Variants in ANKRD11 observed in about 807,000 individuals in gnomAD.
The protein encoded by ANKRD11 is ankyrin repeat domain 11.
In ANKRD11, 17 loss-of-function variants were observed where a neutral mutation model predicts 195.7. That is an observed-to-expected ratio of 0.09 (90% CI 0.06 to 0.13). The LOEUF (loss-of-function observed/expected upper bound fraction) is 0.13, where lower values mean the gene tolerates loss of function less well. ANKRD11 is among the 10% of genes least tolerant of loss of function. ANKRD11 has a pLI of 1.00. For synonymous variants in ANKRD11, 1,953 were observed against 1,528.1 expected (o/e 1.28, Z -6.49); for missense variants, 3,735 against 3,566.1 (o/e 1.05, Z -1.21).
At chr16:89,338,616 T>C (rs1172514242) in intron 2 of ANKRD11, among the ~76,000 whole-genome samples, 2 of 148,140 alleles carry the variant, frequency 1.4e-5, no homozygotes, top group African/African-American at 5.0e-5. Context: ...TCCCAGCTAC[T>C]TGGGAGGCTG....
At chr16:89,310,018 A>C (rs556851925) in intron 3 of ANKRD11, among the ~76,000 whole-genome samples, 21 of 152,230 alleles carry the variant, frequency 1.4e-4, no homozygotes, top group Non-Finnish European at 2.8e-4. Flanking sequence ...CATGGGAAGC[A>C]CACACAGAGG....
chr16:89,317,642 G>C (rs2037046556), intron 2 of ANKRD11, among the ~76,000 whole-genome samples: 1 of 152,202 alleles, frequency 6.6e-6, no homozygotes, highest in African/African-American at 2.4e-5. Flanking sequence ...GCGAGTCCCA[G>C]CAGCTCCGAG....
chr16:89,407,856 A>G (rs2041971022), intron 2 of ANKRD11, among the ~76,000 whole-genome samples: 2 of 36,132 alleles, frequency 5.5e-5, no homozygotes, highest in African/African-American at 2.1e-4. Context: ...TCCCTCCAAA[A>G]AAAAAAAAAA....
intron 2 of ANKRD11, among the ~76,000 whole-genome samples, chr16:89,385,754 G>C (rs2040879928): frequency 6.6e-6 from 1 of 152,280 alleles, no homozygotes; most frequent in Non-Finnish European, 1.5e-5. Flanking sequence ...TCTGACGACA[G>C]AAGGCTAACG....
At position 89,487,311 on chromosome 16, in the gene ANKRD11, A is replaced by C. The variant is rs562464641; in HGVS notation, c.-145+2934T>G. Among the ~76,000 whole-genome samples the C allele has an allele frequency of 2.6e-5, 4 of 152,340 alleles. No individual in the cohort carries two copies. In the South Asian group the frequency reaches 8.3e-4, roughly 32 times the overall value. ...GGGAGTTACACAGAGTAATGGACAG[A>C]TCAAAACACTTATTTTGGCAACAAA... On this transcript the variant is annotated intron_variant, in intron 1 of 12. Transcript: ENST00000301030.
chr16:89,313,959 G>A (rs1037182549), intron 3 of ANKRD11, among the ~76,000 whole-genome samples: 2 of 152,228 alleles, frequency 1.3e-5, no homozygotes, highest in African/African-American at 4.8e-5. Flanking sequence ...AACAGGACAG[G>A]CTGGGTGTGG....
chr16:89,441,152 C>T (rs570075535), intron 1 of ANKRD11, among the ~76,000 whole-genome samples: 45 of 151,710 alleles, frequency 3.0e-4, no homozygotes, highest in African/African-American at 9.9e-4. Context: ...AGGAAAATGG[C>T]GTGAACCTGA....
At chr16:89,271,184 C>T in intron 11 of ANKRD11, 1 of 502,862 alleles carries the variant, frequency 2.0e-6, no homozygotes, top group Non-Finnish European at 3.6e-6. Flanking sequence ...CGGTCCCCAG[C>T]CCTGCCCCCA....
At chr16:89,358,301 G>A (rs1011157443) in intron 2 of ANKRD11, among the ~76,000 whole-genome samples, 3 of 152,222 alleles carry the variant, frequency 2.0e-5, no homozygotes, top group African/African-American at 7.2e-5. Flanking sequence ...CTTCCCTTCT[G>A]TTGGCCACAT....
chr16:89,344,269 T>C (rs1407967297), intron 2 of ANKRD11, among the ~76,000 whole-genome samples: 1 of 152,200 alleles, frequency 6.6e-6, no homozygotes, highest in African/African-American at 2.4e-5. Flanking sequence ...CGTTATTTTA[T>C]TTGGAGCCTC....
chr16:89,419,227 G>A (rs575482363), intron 1 of ANKRD11, among the ~76,000 whole-genome samples: 21 of 151,952 alleles, frequency 1.4e-4, no homozygotes, highest in East Asian at 3.9e-4. Context: ...CGAGGTGGGC[G>A]GATCACTTGA....
intron 2 of ANKRD11, among the ~76,000 whole-genome samples, chr16:89,356,537 C>G (rs186770487): frequency 2.0e-5 from 3 of 150,484 alleles, no homozygotes; most frequent in Non-Finnish European, 4.4e-5. Context: ...TTTGGGAGGC[C>G]GAGGCGGGCG....
chr16:89,441,585 G>A (rs2043479910), intron 1 of ANKRD11, among the ~76,000 whole-genome samples: 2 of 151,928 alleles, frequency 1.3e-5, no homozygotes, highest in South Asian at 2.1e-4. Flanking sequence ...GGCTAACATG[G>A]TAAAACCCCA....
At chr16:89,274,552 G>A (rs1288626547) in intron 11 of ANKRD11, among the ~76,000 whole-genome samples, 4 of 152,214 alleles carry the variant, frequency 2.6e-5, no homozygotes, top group Admixed American at 1.3e-4. Context: ...CAAGTGTTAC[G>A]GAGGGACTGA....
rs1305421290 is a variant in ANKRD11, at chr16:89,281,008, C to G, written c.5534G>C (p.Cys1845Ser). ...LPPVPAEKFA[C>S]LSPGYYSPDY... ...TGGGGAGTAGTACCCTGGCGACAAGCAGGCAAACTTCTCCGCGGGAACCGG... is the reference window on the plus strand; with the variant it reads ...TGGGGAGTAGTACCCTGGCGACAAGGAGGCAAACTTCTCCGCGGGAACCGG... Residue 1845 changes from cysteine (C) to serine (S), a missense_variant, in exon 9 of 13, where the codon TGC (cysteine) becomes TCC (serine). Transcript: ENST00000301030. This position sits in a 1 kb window ranked among gnomAD's most constrained non-coding sequence, Gnocchi z 5.5. The G allele has an allele frequency of 1.9e-6, 3 of 1,584,022 alleles. No individual in the cohort carries two copies. Among genetic ancestry groups the G allele is most frequent in the Non-Finnish European group, 2.6e-6 (3 of 1,163,646 alleles).
chr16:89,490,369 GCGGGCT>G lies in ANKRD11; in HGVS notation c.-275_-270del. ...GCGGCAAGGCGGCGGCGGCGGCGGC[GCGGGCT>G]CGGGCCCGGCAGAGCTGCGAGGGAC... On this transcript the variant is annotated 5_prime_UTR_variant, in exon 1 of 13. Coordinates refer to ENST00000301030, the MANE Select transcript of ANKRD11 (RefSeq NM_013275.6). The G allele has an allele frequency of 6.2e-6, 1 of 160,254 alleles. No individual in the cohort carries two copies. The highest frequency in any genetic ancestry group is 1.3e-5 in the Non-Finnish European group (1 of 74,706). The allele number at this position is 160,254 out of a possible 1,614,324, so 9.9% of individuals were successfully genotyped here. A position where few individuals can be genotyped will look rare whatever the true frequency, so the allele number is the denominator to read the frequency against.
intron 2 of ANKRD11, among the ~76,000 whole-genome samples, chr16:89,358,877 G>A (rs1258958562): frequency 1.3e-5 from 2 of 152,010 alleles, no homozygotes; most frequent in Non-Finnish European, 2.9e-5. Context: ...CCAGGCTGGA[G>A]CGCAGTGGTG....
Position 89,280,363 on chromosome 16 carries a change from G to A in ANKRD11, c.6179C>T (p.Ser2060Phe). Residue 2060 changes from serine (S) to phenylalanine (F), a missense_variant, in exon 9 of 13, where the codon TCC becomes TTC. Transcript: ENST00000301030. ...GTTGCTGAAGAAGGACTCCAGCCCG[G>A]AGGGAGGGGCGTAGGGAGCCGCCTC... ...TSEAAPYAPP[S>F]GLESFFSNCK... 6.4e-7 allele frequency: 1 copy of A among 1,569,434 alleles called. No individual in the cohort carries two copies. The highest frequency in any genetic ancestry group is 8.6e-7 in the Non-Finnish European group (1 of 1,158,190).
At chr16:89,361,664 G>A (rs2039737730) in intron 2 of ANKRD11, 2 of 152,166 alleles carry the variant, frequency 1.3e-5, no homozygotes, top group South Asian at 4.1e-4. Flanking sequence ...CAGGCTCAGG[G>A]AGACCTTCCA....
Sources: gnomAD v4.1 joint callset for allele counts (sites outside exome capture counted in the v4.1 genomes callset) on GRCh38, gnomAD v4.1.1 for gene constraint, Gnocchi (gnomAD v3.1) non-coding constraint, MANE v1.5 for transcripts, NCBI Gene and HGNC (gene_info 2026-07-23, HGNC 2026-07-21) for gene names.